Variants in CMSS1 observed in about 807,000 individuals in gnomAD.
CMSS1 encodes the protein cms1 ribosomal small subunit homolog, also known as protein CMSS1.
CMSS1 carries 33 observed loss-of-function variants against 43.5 expected under a neutral mutation model. The ratio of observed to expected loss-of-function variants is 0.76; its 90% CI spans 0.57 to 1.01. The LOEUF (loss-of-function observed/expected upper bound fraction) is 1.01. CMSS1 is among the 50% of genes least tolerant of loss of function. CMSS1 has a pLI of 0.00. For missense variants in CMSS1, 313 were observed against 326.4 expected (o/e 0.96, Z 0.32); for synonymous variants, 115 against 117.2 (o/e 0.98, Z 0.12).
intron 1 of CMSS1, among the ~76,000 whole-genome samples, chr3:99,892,919 C>G (rs545470008): frequency 1.6e-4 from 24 of 152,076 alleles, no homozygotes; most frequent in Non-Finnish European, 2.4e-4. Context: ...GTACTATTGG[C>G]CTGTATTTTT....
At chr3:100,037,332 T>C (rs2065124888) in intron 1 of CMSS1, among the ~76,000 whole-genome samples, 1 of 152,174 alleles carries the variant, frequency 6.6e-6, no homozygotes, top group African/African-American at 2.4e-5. Context: ...GCAAAAGTGG[T>C]AAAAATTTTA....
chr3:100,096,528 A>T (rs970216782), intron 1 of CMSS1, among the ~76,000 whole-genome samples: 2 of 147,514 alleles, frequency 1.4e-5, no homozygotes, highest in Middle Eastern at 3.4e-3. Context: ...CAAACATCAC[A>T]TGTTCTGACT....
intron 1 of CMSS1, among the ~76,000 whole-genome samples, chr3:100,138,952 T>C (rs761870173): frequency 1.2e-4 from 18 of 152,132 alleles, no homozygotes; most frequent in African/African-American, 4.1e-4. Context: ...CAAATGCCCA[T>C]TGATGATAGA....
rs146105609 is a variant in CMSS1, at chr3:100,076,817, G to A, written c.65-70156G>A. On this transcript the variant is annotated intron_variant, in intron 1 of 9. Transcript: ENST00000421999. ...AAAGTTGTTTAATAAGATCTTTTGT[G>A]CAGCCTGGGAATTAGTCAGACTTAC... Among the ~76,000 whole-genome samples, 1,105 of 152,282 alleles carry A rather than the reference G, an allele frequency of 7.3e-3. 4 individuals are homozygous for A. The highest frequency in any genetic ancestry group is 0.01 in the African/African-American group (422 of 41,544).
intron 1 of CMSS1, among the ~76,000 whole-genome samples, chr3:100,070,163 C>A (rs1224168662): frequency 6.6e-6 from 1 of 152,190 alleles, no homozygotes; most frequent in Non-Finnish European, 1.5e-5. Flanking sequence ...ATTCCTGTTA[C>A]AGCCAGAGCA....
intron 1 of CMSS1, chr3:100,109,913 C>A (rs1378985371): frequency 2.4e-5 from 3 of 123,174 alleles, no homozygotes; most frequent in South Asian, 3.4e-4. Flanking sequence ...ACCCCCCCCC[C>A]CCAGCACCAC....
intron 1 of CMSS1, among the ~76,000 whole-genome samples, chr3:100,047,454 A>G (rs1255335716): frequency 2.0e-5 from 3 of 152,222 alleles, no homozygotes; most frequent in Non-Finnish European, 4.4e-5. Context: ...TAAAAAAACT[A>G]AAGTATCATG....
chr3:99,929,723 T>A lies in CMSS1; in HGVS notation c.64+111680T>A, dbSNP rs1413291994. 37 of 572,824 alleles carry A rather than the reference T, an allele frequency of 6.5e-5. No individual in the cohort carries two copies. The East Asian group carries it at 1.1e-3, about 18-fold the overall frequency. The allele number at this position is 572,824 out of a possible 1,614,324, so 35.5% of individuals were successfully genotyped here. A position where few individuals can be genotyped will look rare whatever the true frequency, so the allele number is the denominator to read the frequency against. On this transcript the variant is annotated intron_variant, in intron 1 of 9. Transcript: ENST00000421999. ...TTTCCTATTGAACTTGTCGTATTTATCTGTTTTGTGTAGGCTTTAAGTGCG... is the reference window on the plus strand; with the variant it reads ...TTTCCTATTGAACTTGTCGTATTTAACTGTTTTGTGTAGGCTTTAAGTGCG...
rs2066858165 is a variant in CMSS1 at position 100,147,057 on chromosome 3, A to G, written c.149A>G (p.Lys50Arg). 6.2e-7 allele frequency: 1 copy of G among 1,613,850 alleles called. No homozygotes were observed. Among genetic ancestry groups the G allele is most frequent in the Non-Finnish European group, 8.5e-7 (1 of 1,179,860 alleles). Reference protein sequence around the residue: ...VPVPVPSEKTKQPKECFLIQP... With the variant: ...VPVPVPSEKTRQPKECFLIQP... Reference sequence around the variant, plus strand: ...GTTCCTGTACCTTCAGAGAAAACCAAACAGGTGAGGGGTCACTGTGGGAGA... The same window carrying G: ...GTTCCTGTACCTTCAGAGAAAACCAGACAGGTGAGGGGTCACTGTGGGAGA... The change falls in exon 2 of 10, where the codon AAA becomes AGA. Residue 50 changes from lysine to arginine, a missense_variant. Lys to Arg is a conservative substitution (Grantham distance 26, BLOSUM62 2). Coordinates refer to ENST00000421999, the MANE Select transcript of CMSS1 (RefSeq NM_032359.4).
At chr3:99,819,847 T>C (rs182787817) in intron 1 of CMSS1, among the ~76,000 whole-genome samples, 2,751 of 151,198 alleles carry the variant, frequency 0.018, 78 homozygotes, top group African/African-American at 0.064. Flanking sequence ...CTCTGCCTCC[T>C]GGGTTCAAGC....
intron 1 of CMSS1, among the ~76,000 whole-genome samples, chr3:100,117,858 T>TATAC (rs1553715643): frequency 9.7e-6 from 1 of 103,404 alleles, no homozygotes; most frequent in African/African-American, 4.3e-5. Flanking sequence ...TATATACATA[T>TATAC]ATATATATAT....
At chr3:99,989,321 G>A (rs1210567325) in intron 1 of CMSS1, among the ~76,000 whole-genome samples, 1 of 152,158 alleles carries the variant, frequency 6.6e-6, no homozygotes, top group Non-Finnish European at 1.5e-5. Context: ...AGGATTCTAG[G>A]TACTAAATGT....
chr3:99,997,200 C>G (rs2107151828), intron 1 of CMSS1, among the ~76,000 whole-genome samples: 1 of 152,148 alleles, frequency 6.6e-6, no homozygotes, highest in East Asian at 1.9e-4. Context: ...AAAGGATAAA[C>G]AAAATGGATA....
chr3:99,888,888 G>C (rs1705996219), intron 1 of CMSS1, among the ~76,000 whole-genome samples: 1 of 152,026 alleles, frequency 6.6e-6, no homozygotes, highest in Non-Finnish European at 1.5e-5. Flanking sequence ...TTACTTAGTT[G>C]TTTAGAATTG....
intron 1 of CMSS1, among the ~76,000 whole-genome samples, chr3:100,036,301 G>A (rs1464242388): frequency 6.6e-6 from 1 of 152,054 alleles, no homozygotes; most frequent in Non-Finnish European, 1.5e-5. Flanking sequence ...CTGACTGCAG[G>A]GCTGTTGGAG....
intron 1 of CMSS1, among the ~76,000 whole-genome samples, chr3:99,913,903 G>A (rs934430675): frequency 1.3e-5 from 2 of 152,124 alleles, no homozygotes; most frequent in East Asian, 1.9e-4. Context: ...CAGGCATCTC[G>A]GATATTTCAG....
chr3:99,843,547 G>T (rs1244771490), intron 1 of CMSS1, among the ~76,000 whole-genome samples: 1 of 151,962 alleles, frequency 6.6e-6, no homozygotes, highest in Non-Finnish European at 1.5e-5. Flanking sequence ...CTTATGATGG[G>T]GTTAGAACCA....
chr3:100,139,006 G>A (rs1004232946), intron 1 of CMSS1, among the ~76,000 whole-genome samples: 13 of 152,134 alleles, frequency 8.5e-5, no homozygotes, highest in Non-Finnish European at 1.8e-4. Context: ...GGAATACTAC[G>A]CAACCACAAA....
chr3:100,028,498 T>C (rs955320327), intron 1 of CMSS1, among the ~76,000 whole-genome samples: 1 of 152,186 alleles, frequency 6.6e-6, no homozygotes, highest in Non-Finnish European at 1.5e-5. Flanking sequence ...TGGAGTATGA[T>C]TTAATTCACG....
Sources: gnomAD v4.1 joint callset for allele counts (sites outside exome capture counted in the v4.1 genomes callset) on GRCh38, gnomAD v4.1.1 for gene constraint, MANE v1.5 for transcripts, NCBI Gene and HGNC (gene_info 2026-07-23, HGNC 2026-07-21) for gene names.